Variants in COL25A1 observed in about 807,000 individuals in gnomAD.
The protein encoded by COL25A1 is collagen type XXV alpha 1 chain, also known as collagen alpha-1(XXV) chain.
Under a neutral mutation model 128.4 loss-of-function variants are expected in COL25A1, and 103 were observed. The ratio of observed to expected loss-of-function variants is 0.80; its 90% CI spans 0.68 to 0.94. The LOEUF (loss-of-function observed/expected upper bound fraction) is 0.94, where lower values mean the gene tolerates loss of function less well. COL25A1 is among the 40% of genes least tolerant of loss of function. The probability of loss-of-function intolerance (pLI) is 0.00; values close to 1 mark genes in which losing one functional copy is unlikely to be tolerated. For synonymous variants in COL25A1, 279 were observed against 277.2 expected, an observed-to-expected ratio of 1.01 and a Z score of -0.06; for missense variants, 745 against 840.0, an observed-to-expected ratio of 0.89 and a Z score of 1.40.
At chr4:109,287,658 C>T (rs1210714118) in intron 3 of COL25A1, among the ~76,000 whole-genome samples, 1 of 152,142 alleles carries the variant, frequency 6.6e-6, no homozygotes, top group Non-Finnish European at 1.5e-5. Context: ...TCACCCATAG[C>T]CCCTATTCTG....
At chr4:109,186,591 G>A (rs1775154042) in intron 3 of COL25A1, among the ~76,000 whole-genome samples, 1 of 151,816 alleles carries the variant, frequency 6.6e-6, no homozygotes, top group Non-Finnish European at 1.5e-5. Flanking sequence ...AATCCAAAAA[G>A]GTCACTGAAG....
chr4:109,207,903 T>C (rs1304028127), intron 3 of COL25A1, among the ~76,000 whole-genome samples: 1 of 152,186 alleles, frequency 6.6e-6, no homozygotes, highest in Non-Finnish European at 1.5e-5. Context: ...CTCAATGTGA[T>C]ACTTTGAAAA....
At chr4:108,825,169 A>G (rs1184304244) in intron 34 of COL25A1, 27 bp downstream of exon 34, 10 of 1,574,304 alleles carry the variant, frequency 6.4e-6, no homozygotes, top group Non-Finnish European at 8.7e-6. Context: ...TTATAATAGG[A>G]TGATGTTTAT....
At chr4:109,006,626 T>G (rs1269585608) in intron 6 of COL25A1, among the ~76,000 whole-genome samples, 1 of 152,040 alleles carries the variant, frequency 6.6e-6, no homozygotes, top group East Asian at 1.9e-4. Context: ...ATGTACAGTT[T>G]ATGCAAATTT....
At chr4:109,076,561 G>A (rs1235074336) in intron 3 of COL25A1, among the ~76,000 whole-genome samples, 2 of 152,136 alleles carry the variant, frequency 1.3e-5, no homozygotes, top group East Asian at 3.9e-4. Flanking sequence ...TGGTACCAGA[G>A]ACTGGTTTTG....
At chr4:108,940,179 C>G (rs1022420140) in intron 10 of COL25A1, among the ~76,000 whole-genome samples, 2 of 152,124 alleles carry the variant, frequency 1.3e-5, no homozygotes, top group East Asian at 1.9e-4. Context: ...CCAAAGGCCC[C>G]GGTGCACACT....
At chr4:108,813,963 G>T in intron 37 of COL25A1, 34 bp from the exon 38 acceptor site, 1 of 1,524,730 alleles carries the variant, frequency 6.6e-7, no homozygotes, top group Non-Finnish European at 9.0e-7. Context: ...ACAAATACAT[G>T]GAATTAGTAG....
chr4:108,939,061 A>G (rs1318942323), intron 10 of COL25A1, among the ~76,000 whole-genome samples: 1 of 151,524 alleles, frequency 6.6e-6, no homozygotes, highest in Non-Finnish European at 1.5e-5. Context: ...GTCATACTTT[A>G]CCTTTAATTT....
intron 8 of COL25A1, among the ~76,000 whole-genome samples, chr4:108,967,246 A>C (rs1751418595): frequency 6.6e-6 from 1 of 152,218 alleles, no homozygotes; most frequent in Non-Finnish European, 1.5e-5. Context: ...GAACTCAATT[A>C]AAGTATCCTT....
intron 13 of COL25A1, among the ~76,000 whole-genome samples, chr4:108,912,973 C>T (rs934803760): frequency 6.6e-6 from 1 of 152,020 alleles, no homozygotes; most frequent in Non-Finnish European, 1.5e-5. Flanking sequence ...AGTTGACACA[C>T]TAATATCAAT....
At chr4:109,140,051 T>C (rs1770242834) in intron 3 of COL25A1, among the ~76,000 whole-genome samples, 1 of 152,216 alleles carries the variant, frequency 6.6e-6, no homozygotes, top group Non-Finnish European at 1.5e-5. Flanking sequence ...ATGTGCCACA[T>C]TTTCTTAATC....
intron 3 of COL25A1, among the ~76,000 whole-genome samples, chr4:109,092,211 G>A (rs1351106768): frequency 2.0e-5 from 3 of 152,182 alleles, no homozygotes; most frequent in South Asian, 4.1e-4. Context: ...AAGAAGTTAA[G>A]TAATCTGTAA....
At chr4:109,097,437 T>TAAA (rs35833171) in intron 3 of COL25A1, among the ~76,000 whole-genome samples, 2 of 117,114 alleles carry the variant, frequency 1.7e-5, no homozygotes. Context: ...AAACCCTGTC[T>TAAA]AAAAAAAAAA....
chr4:109,224,138 C>G (rs1055872901), intron 3 of COL25A1, among the ~76,000 whole-genome samples: 1 of 151,928 alleles, frequency 6.6e-6, no homozygotes, highest in Non-Finnish European at 1.5e-5. Context: ...ACAGGTTTTT[C>G]CAAGCCAGGA....
At chr4:109,154,155 A>G (rs950727152) in intron 3 of COL25A1, among the ~76,000 whole-genome samples, 4 of 152,206 alleles carry the variant, frequency 2.6e-5, no homozygotes, top group African/African-American at 9.7e-5. Context: ...CATCTTTATG[A>G]TAACTCAAAT....
intron 3 of COL25A1, among the ~76,000 whole-genome samples, chr4:109,081,207 A>G (rs1763806284): frequency 6.6e-6 from 1 of 152,178 alleles, no homozygotes; most frequent in Non-Finnish European, 1.5e-5. Flanking sequence ...CCAATCTAAT[A>G]TACCATCATG....
intron 30 of COL25A1, among the ~76,000 whole-genome samples, chr4:108,843,016 G>C (rs1215619368): frequency 6.6e-6 from 1 of 151,830 alleles, no homozygotes; most frequent in Non-Finnish European, 1.5e-5. Flanking sequence ...GTGGTTGGTG[G>C]CATGTGCCTG....
chr4:109,054,163 A>G (rs1242268191), intron 3 of COL25A1, among the ~76,000 whole-genome samples: 1 of 152,204 alleles, frequency 6.6e-6, no homozygotes, highest in Non-Finnish European at 1.5e-5. Flanking sequence ...CTATTTGAGA[A>G]TTTGATAAAA....
intron 3 of COL25A1, among the ~76,000 whole-genome samples, chr4:109,243,024 T>C (rs1286675679): frequency 1.3e-5 from 2 of 152,152 alleles, no homozygotes; most frequent in East Asian, 3.8e-4. Flanking sequence ...CCTACATATC[T>C]GCAACTTTAT....
Sources: gnomAD v4.1 joint callset for allele counts (sites outside exome capture counted in the v4.1 genomes callset) on GRCh38, gnomAD v4.1.1 for gene constraint, MANE v1.5 for transcripts, NCBI Gene and HGNC (gene_info 2026-07-23, HGNC 2026-07-21) for gene names.